Variants in CSNK1G1 observed in about 807,000 individuals in gnomAD.
CSNK1G1 encodes casein kinase 1 gamma 1, also known as casein kinase I isoform gamma-1.
A neutral mutation model predicts 59.6 loss-of-function variants in CSNK1G1; 22 were observed. The ratio of observed to expected loss-of-function variants is 0.37; its 90% CI spans 0.26 to 0.53. The LOEUF (loss-of-function observed/expected upper bound fraction) is 0.53. CSNK1G1 is among the 20% of genes least tolerant of loss of function. CSNK1G1 has a pLI of 0.89. For synonymous variants in CSNK1G1, 179 were observed against 177.1 expected (o/e 1.01, Z -0.08); for missense variants, 384 against 519.5 (o/e 0.74, Z 2.54).
At chr15:64,354,077 G>A (rs111729495) in intron 1 of CSNK1G1, among the ~76,000 whole-genome samples, 10 of 152,284 alleles carry the variant, frequency 6.6e-5, no homozygotes, top group South Asian at 2.1e-4. Flanking sequence ...AGACCAAGGC[G>A]GATGGATTAC....
chr15:64,209,551 A>G (rs901745852), intron 6 of CSNK1G1, among the ~76,000 whole-genome samples: 8 of 152,226 alleles, frequency 5.3e-5, no homozygotes, highest in African/African-American at 1.9e-4. Flanking sequence ...CTGAGTTGGT[A>G]TACAACAATT....
rs1160009506 is a variant in CSNK1G1, at chr15:64,214,908, G to A, written c.445-784C>T. ...TCCTCCTCGGCCTCCCAAAATGCTA[G>A]GATTACAGGCATGAGCCACCATGCC... is the stretch of plus-strand genomic sequence containing the variant. On this transcript the variant is annotated intron_variant, in intron 5 of 11. Coordinates refer to ENST00000303052, the MANE Select transcript of CSNK1G1 (RefSeq NM_022048.5). The surrounding 1 kb of genome is among the most constrained non-coding windows in gnomAD (Gnocchi z 4.3). 6.6e-6 allele frequency among the ~76,000 whole-genome samples: 1 copy of A among 152,034 alleles called. No homozygotes were observed. The highest frequency in any genetic ancestry group is 1.5e-5 in the Non-Finnish European group (1 of 68,008).
In CSNK1G1 at chr15:64,189,860, C is replaced by A. The variant is rs142650404; in HGVS notation, c.1108-9406G>T. Among the ~76,000 whole-genome samples the A allele has an allele frequency of 5.7e-3, 861 of 150,744 alleles. 7 individuals carry two copies. The highest frequency in any genetic ancestry group is 0.01 in the Non-Finnish European group (692 of 67,754). ...TTGAGACGGAGTCTCGCTCTGTCGC[C>A]CAGGCTGGAGTGCAGTGGCGCATTC... On this transcript the variant is annotated intron_variant, in intron 10 of 11. Coordinates refer to ENST00000303052, the MANE Select transcript of CSNK1G1 (RefSeq NM_022048.5).
chr15:64,216,776 C>T lies in CSNK1G1; in HGVS notation c.293-63G>A. ...ACACAAAAGCCAAAATATGAGATAACAGTATTAGCACTGAATAAAATATTT... is the reference window on the plus strand; with the variant it reads ...ACACAAAAGCCAAAATATGAGATAATAGTATTAGCACTGAATAAAATATTT... On this transcript the variant is annotated intron_variant, in intron 4 of 11. Coordinates refer to ENST00000303052, the MANE Select transcript of CSNK1G1 (RefSeq NM_022048.5). This position sits in a 1 kb window ranked among gnomAD's most constrained non-coding sequence, Gnocchi z 4.6. The T allele has an allele frequency of 2.8e-6, 4 of 1,413,180 alleles. No homozygotes were observed. Among genetic ancestry groups the T allele is most frequent in the Non-Finnish European group, 4.0e-6 (4 of 1,006,754 alleles). 87.5% of individuals were successfully genotyped at this position (1,413,180 alleles called of 1,614,324 possible).
At chr15:64,193,357 G>A (rs947296878) in intron 10 of CSNK1G1, among the ~76,000 whole-genome samples, 1 of 151,988 alleles carries the variant, frequency 6.6e-6, no homozygotes, top group Admixed American at 6.6e-5. Context: ...GCCAGGCATG[G>A]TGGTGCACAC....
chr15:64,179,235 G>A (rs775004595), intron 11 of CSNK1G1, among the ~76,000 whole-genome samples: 3 of 152,086 alleles, frequency 2.0e-5, no homozygotes, highest in Non-Finnish European at 2.9e-5. Context: ...AACAGAGAGA[G>A]ACCCTGTCTC....
chr15:64,278,412 GTGTGTGTATATATATA>G (rs1301335156), intron 2 of CSNK1G1, among the ~76,000 whole-genome samples: 5 of 110,376 alleles, frequency 4.5e-5, no homozygotes, highest in African/African-American at 2.5e-4. Context: ...GTGTGTGTGT[GTGTGTGTATATATATA>G]TATATTTTTT....
chr15:64,348,856 G>C (rs1898119210), intron 1 of CSNK1G1, among the ~76,000 whole-genome samples: 1 of 152,128 alleles, frequency 6.6e-6, no homozygotes, highest in Non-Finnish European at 1.5e-5. Flanking sequence ...TATTGGCAAG[G>C]CGCGGTGGCT....
chr15:64,231,069 G>C (rs963173706), intron 4 of CSNK1G1, among the ~76,000 whole-genome samples: 6 of 151,798 alleles, frequency 4.0e-5, no homozygotes, highest in Non-Finnish European at 8.8e-5. Context: ...GCTCACACCT[G>C]TAATCTCAGC....
In CSNK1G1 at chr15:64,316,696, C is replaced by A. The variant is rs753019654; in HGVS notation, c.-224-15973G>T. 3.1e-4 allele frequency among the ~76,000 whole-genome samples: 47 copies of A among 152,196 alleles called. No homozygotes were observed. In the Middle Eastern group the frequency reaches 0.014, roughly 44 times the overall value. On this transcript the variant is annotated intron_variant, in intron 1 of 11. Coordinates refer to ENST00000303052, the MANE Select transcript of CSNK1G1 (RefSeq NM_022048.5). ...AGAAATGAAATTCACAGGCAGACAG[C>A]CCAGCTCTGAGCCCTGGGCCTGGTA... is the stretch of plus-strand genomic sequence containing the variant.
At chr15:64,277,590 ATATATTTAATAATATATTAATATTGG>A (rs1333110648) in intron 2 of CSNK1G1, among the ~76,000 whole-genome samples, 3 of 139,904 alleles carry the variant, frequency 2.1e-5, no homozygotes, top group African/African-American at 7.7e-5. Flanking sequence ...ATTAATATTA[ATATATTTAATAATATATTAATATTGG>A]TATATTTAAT....
At position 64,262,695 on chromosome 15, in the gene CSNK1G1, A is replaced by C. The variant is rs76512413; in HGVS notation, c.182-3454T>G. 3.9e-3 allele frequency among the ~76,000 whole-genome samples: 596 copies of C among 152,338 alleles called. 5 individuals carry two copies. Among genetic ancestry groups the C allele is most frequent in the African/African-American group, 0.012 (493 of 41,574 alleles). ...GTAAGATACACTTTTCTTGGATCCTAATTTTCATTTGAAGATTTGGATAAA... is the reference window on the plus strand; with the variant it reads ...GTAAGATACACTTTTCTTGGATCCTCATTTTCATTTGAAGATTTGGATAAA... On this transcript the variant is annotated intron_variant, in intron 2 of 11. Coordinates refer to ENST00000303052, the MANE Select transcript of CSNK1G1 (RefSeq NM_022048.5).
At chr15:64,349,917 TAA>T (rs767246116) in intron 1 of CSNK1G1, among the ~76,000 whole-genome samples, 3 of 121,092 alleles carry the variant, frequency 2.5e-5, no homozygotes, top group South Asian at 5.0e-4. Context: ...CTCCAAAAAT[TAA>T]AAAAAAAAAA....
In CSNK1G1 at chr15:64,230,568, G is replaced by A. The variant is rs1483602336; in HGVS notation, c.293-13855C>T. ...CCACCTCATCCTTCCCAAACTGCCA[G>A]AGTTCTAAATCTTCTTTGGTCCCTA... is the stretch of plus-strand genomic sequence containing the variant. On this transcript the variant is annotated intron_variant, in intron 4 of 11. Coordinates refer to ENST00000303052, the MANE Select transcript of CSNK1G1 (RefSeq NM_022048.5). Among the ~76,000 whole-genome samples, 6 of 152,140 alleles carry A rather than the reference G, an allele frequency of 3.9e-5. No homozygotes were observed. The East Asian group carries it at 1.2e-3, about 29-fold the overall frequency.
At chr15:64,325,804 G>A (rs1029529989) in intron 1 of CSNK1G1, among the ~76,000 whole-genome samples, 2 of 152,160 alleles carry the variant, frequency 1.3e-5, no homozygotes, top group African/African-American at 4.8e-5. Context: ...AAAGATTAGA[G>A]AGGGTAAGTA....
chr15:64,170,560 C>A lies in CSNK1G1; in HGVS notation c.*1371G>T, dbSNP rs1460091007. 1 of 152,610 alleles carries A rather than the reference C, an allele frequency of 6.6e-6. No homozygotes were observed. Among genetic ancestry groups the A allele is most frequent in the Non-Finnish European group, 1.5e-5 (1 of 68,042 alleles). 9.5% of individuals were successfully genotyped at this position (152,610 alleles called of 1,614,324 possible). A position where few individuals can be genotyped will look rare whatever the true frequency, so the allele number is the denominator to read the frequency against. On this transcript the variant is annotated 3_prime_UTR_variant, in exon 12 of 12. Coordinates refer to ENST00000303052, the MANE Select transcript of CSNK1G1 (RefSeq NM_022048.5). ...AAATGCTACAGCTCAGCTATTGGGG[C>A]AGATAGGATACACCGATTTTCTTTT...
intron 1 of CSNK1G1, among the ~76,000 whole-genome samples, chr15:64,310,898 G>C (rs573996216): frequency 6.6e-6 from 1 of 150,528 alleles, no homozygotes; most frequent in African/African-American, 2.4e-5. Context: ...CCAGCTACTC[G>C]GGAAGCCGAG....
chr15:64,295,257 G>T (rs1051071709), intron 2 of CSNK1G1, among the ~76,000 whole-genome samples: 4 of 152,008 alleles, frequency 2.6e-5, no homozygotes, highest in African/African-American at 9.7e-5. Context: ...TTATTGGAAC[G>T]CTAGGCTGGT....
At chr15:64,251,628 T>C in intron 3 of CSNK1G1, 47 bp from the exon 4 acceptor site, 1 of 1,387,034 alleles carries the variant, frequency 7.2e-7, no homozygotes, top group Non-Finnish European at 1.0e-6. Context: ...ACAAATGGGA[T>C]TTTTCCATTC....
Sources: gnomAD v4.1 joint callset for allele counts (sites outside exome capture counted in the v4.1 genomes callset) on GRCh38, gnomAD v4.1.1 for gene constraint, Gnocchi (gnomAD v3.1) non-coding constraint, MANE v1.5 for transcripts, NCBI Gene and HGNC (gene_info 2026-07-23, HGNC 2026-07-21) for gene names.